DOCK5: variants seen among roughly 807,000 people sequenced by gnomAD.
The protein encoded by DOCK5 is dedicator of cytokinesis protein 5.
Under a neutral mutation model 251.8 loss-of-function variants are expected in DOCK5, and 142 were observed. The ratio of observed to expected loss-of-function variants is 0.56; its 90% CI spans 0.49 to 0.65. The LOEUF (loss-of-function observed/expected upper bound fraction) is 0.65, where lower values mean the gene tolerates loss of function less well. Among genes scored for constraint, DOCK5 ranks in the 30% least tolerant of loss-of-function variants. DOCK5 has a pLI of 0.00. For synonymous variants in DOCK5, 842 were observed against 835.5 expected (o/e 1.01, Z -0.13); for missense variants, 2,111 against 2,312.3 (o/e 0.91, Z 1.79).
Position 25,369,596 on chromosome 8 carries a change from A to C in DOCK5, c.3479A>C (p.Glu1160Ala), listed in dbSNP as rs1190353655. Residue 1160 changes from glutamate to alanine, a missense_variant, in exon 34 of 52, where the codon GAA becomes GCA. Physicochemically the swap from Glu to Ala is moderately radical, Grantham distance 107. Transcript: ENST00000276440. Reference sequence around the variant, plus strand: ...ATCACAAAGCTGGACCAGGAGGTAGAAGGGGGCAGAGGAGACGAACAATAC... The same window carrying C: ...ATCACAAAGCTGGACCAGGAGGTAGCAGGGGGCAGAGGAGACGAACAATAC... ...ELITKLDQEV[E>A]GGRGDEQYKV... is the part of the protein sequence containing the mutation. The C allele has an allele frequency of 6.2e-7, 1 of 1,612,058 alleles. No individual in the cohort carries two copies. The highest frequency in any genetic ancestry group is 8.5e-7 in the Non-Finnish European group (1 of 1,179,092).
chr8:25,391,847 G>C, intron 42 of DOCK5, 49 bp from the exon 43 acceptor site: 2 of 1,565,198 alleles, frequency 1.3e-6, no homozygotes, highest in Non-Finnish European at 1.8e-6. Flanking sequence ...AAGTCAAGCA[G>C]TGGTTGTTCT....
chr8:25,324,235 A>C (rs533199598), intron 17 of DOCK5, among the ~76,000 whole-genome samples: 1 of 152,078 alleles, frequency 6.6e-6, no homozygotes, highest in Non-Finnish European at 1.5e-5. Flanking sequence ...CTAGCAGTGA[A>C]TGGTAAGGGG....
intron 21 of DOCK5, among the ~76,000 whole-genome samples, chr8:25,335,984 C>G (rs1327476445): frequency 6.6e-6 from 1 of 152,156 alleles, no homozygotes; most frequent in Non-Finnish European, 1.5e-5. Flanking sequence ...ATTTCATAAC[C>G]CTCCGGTTTA....
chr8:25,305,387 T>C (rs1293745675), intron 11 of DOCK5: 1 of 152,184 alleles, frequency 6.6e-6, no homozygotes, highest in East Asian at 1.9e-4. Flanking sequence ...GTGTAAATTT[T>C]AGATGATTAA....
At chr8:25,226,742 C>T (rs1037497771) in intron 1 of DOCK5, among the ~76,000 whole-genome samples, 9 of 151,932 alleles carry the variant, frequency 5.9e-5, no homozygotes, top group South Asian at 2.1e-4. Flanking sequence ...CCCGCCACCA[C>T]GCCCGGCTAA....
Position 25,211,872 on chromosome 8 carries a change from C to A in DOCK5, c.43+26921C>A, listed in dbSNP as rs1328213162. Among the ~76,000 whole-genome samples, 4 of 67,358 alleles carry A rather than the reference C, an allele frequency of 5.9e-5. 2 individuals are homozygous for A. Among genetic ancestry groups the A allele is most frequent in the Non-Finnish European group, 1.9e-4 (4 of 20,706 alleles). The allele number at this position is 67,358 out of a possible 152,430, so 44.2% of individuals were successfully genotyped here. ...TTATCATGCAGATTTTTTAGAAATA[C>A]AGCTTCCGCCGGGCACGGTGGCTCA... On this transcript the variant is annotated intron_variant, in intron 1 of 51. Transcript: ENST00000276440.
chr8:25,389,609 A>G (rs543080010), intron 41 of DOCK5, among the ~76,000 whole-genome samples: 21 of 152,322 alleles, frequency 1.4e-4, no homozygotes, highest in African/African-American at 4.8e-4. Flanking sequence ...AAATCAGAGC[A>G]GGAGCGCTTA....
At chr8:25,252,942 A>G (rs1276942644) in intron 2 of DOCK5, among the ~76,000 whole-genome samples, 1 of 152,014 alleles carries the variant, frequency 6.6e-6, no homozygotes, top group Non-Finnish European at 1.5e-5. Context: ...AGTGATTTTC[A>G]TGCCTCAGCC....
chr8:25,191,614 G>C (rs1040282643), intron 1 of DOCK5, among the ~76,000 whole-genome samples: 3 of 152,078 alleles, frequency 2.0e-5, no homozygotes, highest in African/African-American at 4.8e-5. Flanking sequence ...AAACATTTGA[G>C]CTGCTTTACC....
chr8:25,266,236 G>C (rs1037396038), intron 2 of DOCK5, among the ~76,000 whole-genome samples: 2 of 149,050 alleles, frequency 1.3e-5, no homozygotes, highest in African/African-American at 5.0e-5. Flanking sequence ...TTTTTTTTGA[G>C]ATGGAGTCTC....
chr8:25,288,324 G>A (rs919913884), intron 5 of DOCK5, among the ~76,000 whole-genome samples: 10 of 152,202 alleles, frequency 6.6e-5, no homozygotes, highest in Non-Finnish European at 1.0e-4. Flanking sequence ...TAGCAACAAA[G>A]TCCATCTCCT....
At chr8:25,357,253 G>A (rs1800592561) in intron 27 of DOCK5, among the ~76,000 whole-genome samples, 1 of 151,406 alleles carries the variant, frequency 6.6e-6, no homozygotes, top group Non-Finnish European at 1.5e-5. Flanking sequence ...GCAAGGTCTT[G>A]GAGAAACAAA....
chr8:25,348,705 G>T (rs970680944), intron 26 of DOCK5, among the ~76,000 whole-genome samples: 1 of 152,030 alleles, frequency 6.6e-6, no homozygotes, highest in African/African-American at 2.4e-5. Context: ...GGGCGTGGTG[G>T]TGCGCACCTG....
At chr8:25,320,315 CAATT>C (rs1805387726) in intron 15 of DOCK5, among the ~76,000 whole-genome samples, 1 of 152,180 alleles carries the variant, frequency 6.6e-6, no homozygotes, top group African/African-American at 2.4e-5. Context: ...TCATATATCT[CAATT>C]TAGAATTAAC....
intron 25 of DOCK5, 74 bp from the exon 26 acceptor site, chr8:25,345,401 G>A: frequency 6.3e-7 from 1 of 1,581,412 alleles, no homozygotes; most frequent in Non-Finnish European, 8.6e-7. Context: ...GGTCGAGGAA[G>A]AGTTGCAGGA....
At chr8:25,229,439 C>T (rs1228960913) in intron 1 of DOCK5, among the ~76,000 whole-genome samples, 1 of 151,846 alleles carries the variant, frequency 6.6e-6, no homozygotes, top group African/African-American at 2.4e-5. Flanking sequence ...TGAGATCTTG[C>T]TACTGCACTC....
intron 40 of DOCK5, 155 bp from the exon 41 acceptor site, chr8:25,388,936 G>A: frequency 1.5e-6 from 1 of 657,544 alleles, no homozygotes; most frequent in South Asian, 2.0e-5. Context: ...GGATATGATG[G>A]TCGCTGTCAG....
intron 1 of DOCK5, among the ~76,000 whole-genome samples, chr8:25,232,546 C>T (rs2117522648): frequency 6.6e-6 from 1 of 152,238 alleles, no homozygotes; most frequent in East Asian, 1.9e-4. Flanking sequence ...CTGGTGAGGG[C>T]AGTCAGGTTC....
At chr8:25,208,671 A>G (rs1168727380) in intron 1 of DOCK5, among the ~76,000 whole-genome samples, 1 of 152,234 alleles carries the variant, frequency 6.6e-6, no homozygotes, top group East Asian at 1.9e-4. Flanking sequence ...TGTAGTGTAA[A>G]CATAACTTTT....
Sources: allele counts gnomAD v4.1 joint callset (sites outside exome capture counted in the v4.1 genomes callset), GRCh38; gene constraint gnomAD v4.1.1; transcripts MANE v1.5; gene names NCBI Gene and HGNC (gene_info 2026-07-23, HGNC 2026-07-21).